The following GRB2 variants were observed in gnomAD, a reference collection of about 807,000 sequenced individuals.
GRB2 encodes growth factor receptor bound protein 2, also known as growth factor receptor-bound protein 2.
A neutral mutation model predicts 27.4 loss-of-function variants in GRB2; 2 were observed. The observed-to-expected ratio is 0.07, with a 90% CI of 0.03 to 0.23. GRB2 has a LOEUF of 0.23. GRB2 is among the 10% of genes least tolerant of loss of function. GRB2 has a pLI of 1.00. For synonymous variants in GRB2, 94 were observed against 99.6 expected (o/e 0.94, Z 0.33); for missense variants, 102 against 282.4 (o/e 0.36, Z 4.58).
At chr17:75,365,238 G>C (rs2078811608) in intron 2 of GRB2, among the ~76,000 whole-genome samples, 2 of 152,058 alleles carry the variant, frequency 1.3e-5, no homozygotes. Context: ...AGTCCATCAA[G>C]GGGGCAGAAA....
intron 2 of GRB2, among the ~76,000 whole-genome samples, chr17:75,334,872 G>A (rs1185488436): frequency 8.2e-6 from 1 of 121,682 alleles, no homozygotes; most frequent in Non-Finnish European, 1.7e-5. Context: ...TTTTTTTTTT[G>A]AGTCAGGGTC....
Position 75,319,074 on chromosome 17 carries a change from T to G in GRB2, c.*1294A>C, listed in dbSNP as rs966592745. ...CTCTTGCCCCGGTGGCCCATCACAC[T>G]CACACTGCACCCTGGGCAAGCAGTT... is the stretch of plus-strand genomic sequence containing the variant. On this transcript the variant is annotated 3_prime_UTR_variant, in exon 6 of 6. Coordinates refer to ENST00000316804, the MANE Select transcript of GRB2 (RefSeq NM_002086.5). 3.9e-5 allele frequency: 6 copies of G among 152,074 alleles called. No individual in the cohort carries two copies. The highest frequency in any genetic ancestry group is 8.8e-5 in the Non-Finnish European group (6 of 68,016). 9.4% of individuals were successfully genotyped at this position (152,074 alleles called of 1,614,324 possible). A position where few individuals can be genotyped will look rare whatever the true frequency, so the allele number is the denominator to read the frequency against.
intron 2 of GRB2, among the ~76,000 whole-genome samples, chr17:75,340,247 T>C (rs1050233595): frequency 5.3e-5 from 8 of 152,206 alleles, no homozygotes; most frequent in African/African-American, 1.9e-4. Flanking sequence ...CATTTGTGCA[T>C]GAATGATAGG....
intron 2 of GRB2, among the ~76,000 whole-genome samples, chr17:75,355,065 C>G (rs1452863612): frequency 1.3e-5 from 2 of 152,210 alleles, no homozygotes; most frequent in African/African-American, 4.8e-5. Context: ...GCCTTGGCCT[C>G]CCAAAGTGCT....
chr17:75,348,152 C>T (rs189122308), intron 2 of GRB2, among the ~76,000 whole-genome samples: 38 of 152,276 alleles, frequency 2.5e-4, no homozygotes, highest in African/African-American at 7.7e-4. Flanking sequence ...GTGATCCTCC[C>T]GTCTCAGATC....
intron 2 of GRB2, among the ~76,000 whole-genome samples, chr17:75,337,439 T>G (rs993922223): frequency 3.3e-5 from 5 of 151,920 alleles, no homozygotes; most frequent in African/African-American, 1.2e-4. Flanking sequence ...AAATGAATGT[T>G]GAAGAGCTCG....
chr17:75,391,456 A>G (rs1278668697), intron 2 of GRB2, among the ~76,000 whole-genome samples: 1 of 152,232 alleles, frequency 6.6e-6, no homozygotes, highest in Admixed American at 6.5e-5. Flanking sequence ...TAAAATGTTC[A>G]TGGTCTAGGT....
chr17:75,383,790 C>A (rs185594439), intron 2 of GRB2, among the ~76,000 whole-genome samples: 1 of 151,996 alleles, frequency 6.6e-6, no homozygotes, highest in Non-Finnish European at 1.5e-5. Context: ...TGCAGTCAGC[C>A]AAGACAGCAC....
intron 2 of GRB2, chr17:75,338,903 A>G: frequency 1.1e-6 from 1 of 871,874 alleles, no homozygotes; most frequent in South Asian, 1.3e-5. Context: ...GTGACACAGT[A>G]CAAGAAGGGA....
Position 75,325,567 on chromosome 17 carries a change from C to G in GRB2, c.299+331G>C, listed in dbSNP as rs562908193. Among the ~76,000 whole-genome samples, 67 of 152,274 alleles carry G rather than the reference C, an allele frequency of 4.4e-4. No homozygotes were observed. The Middle Eastern group carries it at 0.01, about 23-fold the overall frequency. ...AAGGCAAGCCAAGGCAGCCGACAGG[C>G]GCTCCACTATCCCATTAGAGAGAGC... On this transcript the variant is annotated intron_variant, in intron 4 of 5. Transcript: ENST00000316804.
At chr17:75,373,356 A>C (rs941960069) in intron 2 of GRB2, 3 of 152,244 alleles carry the variant, frequency 2.0e-5, no homozygotes, top group Admixed American at 6.5e-5. Flanking sequence ...AAGAAGTGTC[A>C]TAAGTATTCT....
intron 2 of GRB2, chr17:75,338,726 C>T: frequency 2.0e-6 from 1 of 499,028 alleles, no homozygotes; most frequent in Non-Finnish European, 3.6e-6. Context: ...ATGTTAAGAG[C>T]CCAAATCAGG....
At chr17:75,346,959 C>T (rs1164937277) in intron 2 of GRB2, among the ~76,000 whole-genome samples, 1 of 152,136 alleles carries the variant, frequency 6.6e-6, no homozygotes, top group Non-Finnish European at 1.5e-5. Context: ...TGCAGAAGGT[C>T]AGACGAAGGG....
chr17:75,348,999 T>C lies in GRB2; in HGVS notation c.79-16202A>G, dbSNP rs532331608. Reference sequence around the variant, plus strand: ...CCCAGCAACATGTTTCTAAATTAGCTGCATGGCTGACATGGAAAATTCAAC... The same window carrying C: ...CCCAGCAACATGTTTCTAAATTAGCCGCATGGCTGACATGGAAAATTCAAC... On this transcript the variant is annotated intron_variant, in intron 2 of 5. Coordinates refer to ENST00000316804, the MANE Select transcript of GRB2 (RefSeq NM_002086.5). Among the ~76,000 whole-genome samples the C allele has an allele frequency of 2.0e-5, 3 of 152,300 alleles. No individual in the cohort carries two copies. In the East Asian group the frequency reaches 5.8e-4, roughly 29 times the overall value.
At chr17:75,339,331 C>T (rs987908586) in intron 2 of GRB2, among the ~76,000 whole-genome samples, 3 of 150,504 alleles carry the variant, frequency 2.0e-5, no homozygotes, top group South Asian at 2.1e-4. Flanking sequence ...GTAGCTGGGA[C>T]TACAGGCGCC....
intron 2 of GRB2, among the ~76,000 whole-genome samples, chr17:75,342,601 C>G (rs1413898797): frequency 6.6e-6 from 1 of 152,088 alleles, no homozygotes; most frequent in Non-Finnish European, 1.5e-5. Flanking sequence ...ACAAGAACCT[C>G]TTAAATAGAT....
intron 2 of GRB2, among the ~76,000 whole-genome samples, chr17:75,392,027 T>C (rs538271726): frequency 1.1e-3 from 161 of 152,278 alleles, no homozygotes; most frequent in Admixed American, 2.9e-3. Context: ...GTACAGGCTA[T>C]AGATGTGGGC....
At position 75,364,830 on chromosome 17, in the gene GRB2, T is replaced by G. The variant is rs552855011; in HGVS notation, c.78+28721A>C. Among the ~76,000 whole-genome samples the G allele has an allele frequency of 2.6e-5, 4 of 151,926 alleles. No individual in the cohort carries two copies. The East Asian group carries it at 7.8e-4, about 30-fold the overall frequency. On this transcript the variant is annotated intron_variant, in intron 2 of 5. Transcript: ENST00000316804. ...AGTACCCAATCTAATCTCTCCATTC[T>G]ATCCAAACATAAAAACCCAGCCAAG...
chr17:75,394,655 C>A (rs2079019253), intron 1 of GRB2, among the ~76,000 whole-genome samples: 1 of 152,156 alleles, frequency 6.6e-6, no homozygotes, highest in South Asian at 2.1e-4. Context: ...GAAAGGAATC[C>A]CTTTTTCAGA....
Sources: allele counts gnomAD v4.1 joint callset (sites outside exome capture counted in the v4.1 genomes callset), GRCh38; gene constraint gnomAD v4.1.1; transcripts MANE v1.5; gene names NCBI Gene and HGNC (gene_info 2026-07-23, HGNC 2026-07-21).